The following SEL1L2 variants were observed in gnomAD, a reference collection of about 807,000 sequenced individuals.
SEL1L2 encodes the protein SEL1L2 adaptor subunit of SYVN1 ubiquitin ligase.
Under a neutral mutation model 98.8 loss-of-function variants are expected in SEL1L2, and 89 were observed. That is an observed-to-expected ratio of 0.90 (90% CI 0.76 to 1.07). SEL1L2 has a LOEUF of 1.07. Among genes scored for constraint, SEL1L2 ranks in the 50% least tolerant of loss-of-function variants. The probability of loss-of-function intolerance (pLI) is 0.00; values close to 1 mark genes in which losing one functional copy is unlikely to be tolerated. For synonymous variants in SEL1L2, 262 were observed against 278.5 expected, an observed-to-expected ratio of 0.94 and a Z score of 0.59; for missense variants, 788 against 812.0, an observed-to-expected ratio of 0.97 and a Z score of 0.36.
At chr20:13,873,088 TTAAG>T (rs1448687955) in intron 12 of SEL1L2, among the ~76,000 whole-genome samples, 1 of 151,928 alleles carries the variant, frequency 6.6e-6, no homozygotes, top group Non-Finnish European at 1.5e-5. Context: ...CCTCCTGGGT[TTAAG>T]TGAGTTTCAT....
chr20:13,982,416 T>C (rs895712911), intron 1 of SEL1L2, among the ~76,000 whole-genome samples: 1 of 140,594 alleles, frequency 7.1e-6, no homozygotes, highest in African/African-American at 2.7e-5. Flanking sequence ...AAGGTGGAGG[T>C]GTGAGGAATG....
At chr20:13,990,976 AG>A (rs1196272891), upstream of SEL1L2, among the ~76,000 whole-genome samples, 2 of 152,210 alleles carry the variant, frequency 1.3e-5, no homozygotes, top group African/African-American at 4.8e-5. Flanking sequence ...TGGTATCTCT[AG>A]GCTATGGCGG....
chr20:13,862,865 C>A (rs1027832181), intron 17 of SEL1L2, among the ~76,000 whole-genome samples: 3 of 151,602 alleles, frequency 2.0e-5, no homozygotes, highest in African/African-American at 7.3e-5. Context: ...TTTTTTTTAT[C>A]TTTTATTTTT....
At chr20:13,866,949 A>G (rs376612854) in intron 14 of SEL1L2, 99 bp from the exon 15 acceptor site, 1 of 1,200,698 alleles carries the variant, frequency 8.3e-7, no homozygotes, top group Non-Finnish European at 1.1e-6. Context: ...CTATTTAAAT[A>G]GAATGGGAAA....
intron 2 of SEL1L2, among the ~76,000 whole-genome samples, chr20:13,944,023 C>G (rs1440164927): frequency 6.6e-6 from 1 of 152,064 alleles, no homozygotes; most frequent in Non-Finnish European, 1.5e-5. Flanking sequence ...GAAATGGCAG[C>G]TCGGTTTTCA....
intron 4 of SEL1L2, among the ~76,000 whole-genome samples, chr20:13,915,587 A>G (rs372979526): frequency 6.6e-6 from 1 of 152,284 alleles, no homozygotes; most frequent in African/African-American, 2.4e-5. Flanking sequence ...TAGTACGCCT[A>G]GTAGCTCCAG....
At chr20:13,915,091 C>T (rs1181756594) in intron 4 of SEL1L2, 1 of 1,269,826 alleles carries the variant, frequency 7.9e-7, no homozygotes, top group South Asian at 1.3e-5. Flanking sequence ...TCTACCATTG[C>T]TTCTGATTTA....
chr20:13,885,782 T>A (rs1206500782), intron 9 of SEL1L2, among the ~76,000 whole-genome samples: 1 of 152,218 alleles, frequency 6.6e-6, no homozygotes, highest in African/African-American at 2.4e-5. Context: ...ACGCCTGTAA[T>A]CCCAGCACTT....
intron 5 of SEL1L2, among the ~76,000 whole-genome samples, chr20:13,907,095 A>G (rs1340838993): frequency 1.3e-5 from 2 of 152,228 alleles, no homozygotes; most frequent in East Asian, 1.9e-4. Flanking sequence ...TTTTTCTTTT[A>G]TATGTCAATG....
intron 19 of SEL1L2, among the ~76,000 whole-genome samples, 180 bp from the exon 20 acceptor site, chr20:13,849,784 C>T (rs574686195): frequency 5.3e-5 from 8 of 152,294 alleles, no homozygotes; most frequent in African/African-American, 1.9e-4. Flanking sequence ...TTAAATAGCA[C>T]CTTTAGAATA....
Position 13,850,338 on chromosome 20 carries a change from C to G in SEL1L2, c.1819-19G>C. ...GAATGTCCTAGAAGGAGAAGAATAGCCCTACCCATCAGATTCTGTAGGGGT... is the reference window on the plus strand; with the variant it reads ...GAATGTCCTAGAAGGAGAAGAATAGGCCTACCCATCAGATTCTGTAGGGGT... On this transcript the variant is annotated intron_variant, in intron 18 of 19. Coordinates refer to ENST00000284951, the MANE Select transcript of SEL1L2 (RefSeq NM_025229.2). 1 of 1,613,504 alleles carries G rather than the reference C, an allele frequency of 6.2e-7. No individual in the cohort carries two copies. Among genetic ancestry groups the G allele is most frequent in the Non-Finnish European group, 8.5e-7 (1 of 1,179,570 alleles).
At chr20:13,951,902 G>A (rs555580000) in intron 2 of SEL1L2, among the ~76,000 whole-genome samples, 71 of 152,038 alleles carry the variant, frequency 4.7e-4, no homozygotes, top group Admixed American at 2.6e-4. Context: ...AAGAACAAAA[G>A]GGATGGGTAA....
At chr20:13,857,544 C>A (rs1600465876) in intron 18 of SEL1L2, among the ~76,000 whole-genome samples, 4 of 152,204 alleles carry the variant, frequency 2.6e-5, no homozygotes, top group Non-Finnish European at 5.9e-5. Context: ...ACCTGCCTGT[C>A]CCCAGGGACT....
intron 12 of SEL1L2, among the ~76,000 whole-genome samples, chr20:13,875,783 C>T (rs1255067348): frequency 2.6e-5 from 4 of 152,112 alleles, no homozygotes; most frequent in African/African-American, 9.7e-5. Context: ...GAACTTCTGT[C>T]TGGCTGAACT....
At chr20:13,918,968 T>C in intron 4 of SEL1L2, 53 bp downstream of exon 4, 1 of 1,307,376 alleles carries the variant, frequency 7.6e-7, no homozygotes, top group Non-Finnish European at 1.1e-6. Context: ...GGATTTTTCT[T>C]TTTTCTTAAC....
At chr20:13,900,585 C>T (rs552573511) in intron 5 of SEL1L2, among the ~76,000 whole-genome samples, 4 of 152,278 alleles carry the variant, frequency 2.6e-5, no homozygotes, top group Non-Finnish European at 4.4e-5. Flanking sequence ...CTTAAAAACC[C>T]GGCCCAGGGA....
intron 1 of SEL1L2, among the ~76,000 whole-genome samples, chr20:13,961,029 A>G (rs1207828841): frequency 6.6e-6 from 1 of 152,190 alleles, no homozygotes; most frequent in Non-Finnish European, 1.5e-5. Context: ...AATTTATTAT[A>G]TGCTAGATTC....
chr20:13,887,147 C>G (rs2046995299), intron 8 of SEL1L2, among the ~76,000 whole-genome samples: 1 of 152,130 alleles, frequency 6.6e-6, no homozygotes, highest in Non-Finnish European at 1.5e-5. Context: ...GATAGATATG[C>G]TTGAATACAC....
Position 13,865,490 on chromosome 20 carries a change from C to G in SEL1L2, c.1429G>C (p.Gly477Arg), listed in dbSNP as rs11697581. 7 of 1,613,822 alleles carry G rather than the reference C, an allele frequency of 4.3e-6. No homozygotes were observed. The change falls in exon 16 of 20, where the codon GGC (glycine) becomes CGC (arginine). Residue 477 changes from glycine (G) to arginine (R), a missense_variant. Gly to Arg is a moderately radical substitution (Grantham distance 125, BLOSUM62 -2). Transcript: ENST00000284951. ...GTCAGGAATTTCTCAGCCCAGTGGCCTAGTTCACAGACACCTTTATAAAGC... is the reference window on the plus strand; with the variant it reads ...GTCAGGAATTTCTCAGCCCAGTGGCGTAGTTCACAGACACCTTTATAAAGC... ...VELYKGVCEL[G>R]HWAEKFLTAY...
Sources: allele counts gnomAD v4.1 joint callset (sites outside exome capture counted in the v4.1 genomes callset), GRCh38; gene constraint gnomAD v4.1.1; transcripts MANE v1.5; gene names NCBI Gene and HGNC (gene_info 2026-07-23, HGNC 2026-07-21).